PRPF3: variants seen among roughly 807,000 people sequenced by gnomAD.
PRPF3 encodes the protein pre-mRNA processing factor 3, also known as U4/U6 small nuclear ribonucleoprotein Prp3.
A neutral mutation model predicts 89.2 loss-of-function variants in PRPF3; 3 were observed. The ratio of observed to expected loss-of-function variants is 0.03; its 90% CI spans 0.02 to 0.09. The LOEUF (loss-of-function observed/expected upper bound fraction) is 0.09. Among genes scored for constraint, PRPF3 ranks in the 10% least tolerant of loss-of-function variants. The pLI is 1.00. For synonymous variants in PRPF3, 270 were observed against 289.1 expected (o/e 0.93, Z 0.67); for missense variants, 463 against 828.8 (o/e 0.56, Z 5.42).
intron 2 of PRPF3, among the ~76,000 whole-genome samples, 159 bp from the exon 3 acceptor site, chr1:150,325,592 C>A (rs946682949): frequency 6.6e-6 from 1 of 152,146 alleles, no homozygotes; most frequent in Non-Finnish European, 1.5e-5. Flanking sequence ...CCTCACAGGG[C>A]AAGGTCATTT....
chr1:150,325,648 C>T (rs1337120907), intron 2 of PRPF3, 103 bp from the exon 3 acceptor site: 16 of 1,466,970 alleles, frequency 1.1e-5, no homozygotes, highest in Non-Finnish European at 1.4e-5. Context: ...AAATTTGTTT[C>T]ACTCCTGGGA....
chr1:150,350,698 C>T (rs1396686115), intron 15 of PRPF3, among the ~76,000 whole-genome samples: 4 of 152,012 alleles, frequency 2.6e-5, no homozygotes, highest in South Asian at 2.1e-4. Context: ...CAGTGGCTCA[C>T]GCCTATAATC....
intron 1 of PRPF3, among the ~76,000 whole-genome samples, chr1:150,322,432 C>T (rs587632718): frequency 3.0e-4 from 46 of 152,346 alleles, no homozygotes; most frequent in African/African-American, 1.1e-3. Context: ...TGGTGGGGCT[C>T]AGTGTCCCAA....
intron 3 of PRPF3, chr1:150,327,471 C>G (rs1553864122): frequency 1.8e-6 from 1 of 552,906 alleles, no homozygotes; most frequent in Non-Finnish European, 2.3e-6. Flanking sequence ...TCTAGATAGC[C>G]TTGGGATACG....
intron 1 of PRPF3, among the ~76,000 whole-genome samples, chr1:150,321,962 T>C (rs1014515530): frequency 6.6e-6 from 1 of 152,034 alleles, no homozygotes; most frequent in Non-Finnish European, 1.5e-5. Context: ...AAGACTGGAT[T>C]TGGATTCTGC....
intron 1 of PRPF3, among the ~76,000 whole-genome samples, chr1:150,323,173 CTTTTTTTTTT>C (rs71083901): frequency 8.3e-5 from 4 of 48,270 alleles, no homozygotes; most frequent in African/African-American, 2.9e-4. Context: ...CCGCACCTGG[CTTTTTTTTTT>C]TTTTTTTTTT....
chr1:150,340,117 CTAA>C (rs1306419341), intron 8 of PRPF3, among the ~76,000 whole-genome samples: 10 of 152,098 alleles, frequency 6.6e-5, no homozygotes, highest in Non-Finnish European at 1.3e-4. Context: ...CTTATTGTCA[CTAA>C]TGAGAGAACA....
At chr1:150,340,569 C>T in intron 9 of PRPF3, 92 bp downstream of exon 9, 2 of 965,854 alleles carry the variant, frequency 2.1e-6, no homozygotes, top group South Asian at 2.6e-5. Flanking sequence ...CTATGCTGTT[C>T]AATACAATAG....
intron 15 of PRPF3, among the ~76,000 whole-genome samples, chr1:150,349,916 CGCTCTTGTT>C (rs1292594918): frequency 3.3e-5 from 5 of 149,786 alleles, no homozygotes; most frequent in East Asian, 3.9e-4. Context: ...TATGGAGTTT[CGCTCTTGTT>C]GCTCTTGTTG....
intron 15 of PRPF3, among the ~76,000 whole-genome samples, chr1:150,349,462 A>G (rs1553873837): frequency 6.6e-6 from 1 of 152,212 alleles, no homozygotes; most frequent in African/African-American, 2.4e-5. Context: ...TGCTGGTAGC[A>G]GGAATACAAA....
chr1:150,352,658 C>G (rs1553874641), intron 15 of PRPF3, among the ~76,000 whole-genome samples, 175 bp from the exon 16 acceptor site: 4 of 152,156 alleles, frequency 2.6e-5, no homozygotes, highest in Non-Finnish European at 1.5e-5. Context: ...GAGCGAGACT[C>G]TGTCTCAGAA....
intron 8 of PRPF3, among the ~76,000 whole-genome samples, chr1:150,338,587 ACCTCC>A (rs1657311093): frequency 7.2e-6 from 1 of 139,202 alleles, no homozygotes; most frequent in African/African-American, 2.7e-5. Flanking sequence ...TGCAACCTCC[ACCTCC>A]CGGGTTCAAG....
chr1:150,344,673 T>C (rs1418257255), intron 12 of PRPF3, 126 bp downstream of exon 12: 4 of 1,010,498 alleles, frequency 4.0e-6, no homozygotes, highest in Non-Finnish European at 6.1e-6. Context: ...TTAATGACCC[T>C]AGTGTGGATC....
At chr1:150,336,872 C>T (rs1461214473) in intron 7 of PRPF3, among the ~76,000 whole-genome samples, 1 of 151,864 alleles carries the variant, frequency 6.6e-6, no homozygotes, top group African/African-American at 2.4e-5. Flanking sequence ...AAATTCTCCA[C>T]ATACAACTAA....
chr1:150,334,978 C>A lies in PRPF3; in HGVS notation c.772C>A (p.Leu258Met). The change falls in exon 7 of 16, where the codon CTG becomes ATG. Residue 258 changes from leucine (L) to methionine (M), a missense_variant. By Grantham distance (15) the Leu-to-Met change is conservative (BLOSUM62 2). This residue lies in a region of PRPF3 where 261 missense variants were observed against 475.8 expected (regional missense o/e 0.55). Transcript: ENST00000324862. ...KDQTKPTPLI[L>M]DEQGRTVDAT... is the part of the protein sequence containing the mutation. ...CCAAACGAAACCTACACCACTGATC[C>A]TGGATGAGCAAGGGCGCACTGTAGA... The A allele has an allele frequency of 6.2e-7, 1 of 1,614,100 alleles. No individual in the cohort carries two copies. The highest frequency in any genetic ancestry group is 8.5e-7 in the Non-Finnish European group (1 of 1,180,024).
At chr1:150,323,902 G>A (rs890199949) in intron 1 of PRPF3, among the ~76,000 whole-genome samples, 6 of 149,238 alleles carry the variant, frequency 4.0e-5, no homozygotes, top group East Asian at 4.1e-4. Context: ...TCAGCCTCCC[G>A]AGTAGCTGGG....
chr1:150,334,097 G>A (rs1427566204), intron 6 of PRPF3, among the ~76,000 whole-genome samples: 4 of 152,082 alleles, frequency 2.6e-5, no homozygotes, highest in African/African-American at 7.2e-5. Context: ...TTGAGCTCAG[G>A]AGTTCAAGAC....
intron 9 of PRPF3, 146 bp downstream of exon 9, chr1:150,340,623 C>T (rs1429088670): frequency 4.2e-6 from 3 of 714,706 alleles, no homozygotes; most frequent in Non-Finnish European, 7.4e-6. Flanking sequence ...AGTTTTTTTC[C>T]TGACAATAGT....
chr1:150,325,583 C>T (rs587629610), intron 2 of PRPF3, among the ~76,000 whole-genome samples, 168 bp from the exon 3 acceptor site: 1 of 152,224 alleles, frequency 6.6e-6, no homozygotes, highest in East Asian at 1.9e-4. Flanking sequence ...CTATTTTCAC[C>T]TCACAGGGCA....
Sources: allele counts gnomAD v4.1 joint callset (sites outside exome capture counted in the v4.1 genomes callset), GRCh38; gene constraint gnomAD v4.1.1; regional missense constraint gnomAD v4.1.1; transcripts MANE v1.5; gene names NCBI Gene and HGNC (gene_info 2026-07-23, HGNC 2026-07-21).